Variants in QRICH1 observed in about 807,000 individuals in gnomAD.
The protein encoded by QRICH1 is glutamine rich 1, also known as transcriptional regulator QRICH1.
A neutral mutation model predicts 87.1 loss-of-function variants in QRICH1; 16 were observed. The ratio of observed to expected loss-of-function variants is 0.18; its 90% CI spans 0.12 to 0.28. The LOEUF (loss-of-function observed/expected upper bound fraction) is 0.28. Ranked by LOEUF, QRICH1 falls within the 10% of genes least tolerant of loss-of-function variation. The pLI is 1.00. For synonymous variants in QRICH1, 367 were observed against 368.4 expected (o/e 1.00, Z 0.05); for missense variants, 647 against 951.7 (o/e 0.68, Z 4.21).
chr3:49,087,499 C>T (rs906908687), intron 1 of QRICH1, among the ~76,000 whole-genome samples: 7 of 150,872 alleles, frequency 4.6e-5, no homozygotes, highest in African/African-American at 9.8e-5. Flanking sequence ...GAGCCACGAT[C>T]GCACCACTGC....
In QRICH1 at chr3:49,078,031, C is replaced by T. The variant is rs570689964; in HGVS notation, c.-21-993G>A. ...GACCCCTGTCGCTGCTACCTTTGTA[C>T]CATCCTCCCTTCAACAGCCCGACCT... is the stretch of plus-strand genomic sequence containing the variant. On this transcript the variant is annotated intron_variant, in intron 1 of 9. Coordinates refer to ENST00000395443, the MANE Select transcript of QRICH1 (RefSeq NM_198880.3). 1.9e-4 allele frequency among the ~76,000 whole-genome samples: 29 copies of T among 152,232 alleles called. 1 individual carries two copies. In the East Asian group the frequency reaches 5.6e-3, roughly 29 times the overall value.
chr3:49,055,241 T>G lies in QRICH1; in HGVS notation c.1338+1621A>C, dbSNP rs532281987. 2.3e-3 allele frequency among the ~76,000 whole-genome samples: 351 copies of G among 152,320 alleles called. 3 individuals carry two copies. The highest frequency in any genetic ancestry group is 8.0e-3 in the African/African-American group (334 of 41,578). On this transcript the variant is annotated intron_variant, in intron 3 of 9. Coordinates refer to ENST00000395443, the MANE Select transcript of QRICH1 (RefSeq NM_198880.3). ...ATCACTTACAGCCCATGTTTCCAAG[T>G]GCAGTCCCTTATCTAACTTGTTTGT...
At chr3:49,042,644 C>T (rs1018755643) in intron 6 of QRICH1, among the ~76,000 whole-genome samples, 1 of 151,882 alleles carries the variant, frequency 6.6e-6, no homozygotes, top group Non-Finnish European at 1.5e-5. Context: ...GCAATCTTGG[C>T]TCACCACAAC....
chr3:49,051,164 C>T (rs1435527218), intron 3 of QRICH1, among the ~76,000 whole-genome samples: 1 of 152,176 alleles, frequency 6.6e-6, no homozygotes, highest in African/African-American at 2.4e-5. Context: ...GCAATCTCTT[C>T]TTGGTGGCCT....
chr3:49,053,389 G>A (rs764729321), intron 3 of QRICH1, among the ~76,000 whole-genome samples: 27 of 150,914 alleles, frequency 1.8e-4, no homozygotes, highest in Admixed American at 1.3e-4. Context: ...TCGGGAGGCT[G>A]AGGCAAAATG....
intron 1 of QRICH1, among the ~76,000 whole-genome samples, chr3:49,080,058 T>C (rs979490501): frequency 4.0e-5 from 6 of 148,920 alleles, no homozygotes; most frequent in African/African-American, 1.5e-4. Flanking sequence ...TCTTTCATAA[T>C]AGAGATCCGG....
chr3:49,057,749 T>G lies in QRICH1; in HGVS notation c.451A>C (p.Ile151Leu). 6.2e-7 allele frequency: 1 copy of G among 1,614,096 alleles called. No homozygotes were observed. The highest frequency in any genetic ancestry group is 8.5e-7 in the Non-Finnish European group (1 of 1,180,006). ...GQAPQSAAPS[I>L]QTPSLQSPSP... ...GGACTCTGCAGAGACGGGGTCTGAATGGAGGGGGCTGCTGACTGTGGTGCC... is the reference window on the plus strand; with the variant it reads ...GGACTCTGCAGAGACGGGGTCTGAAGGGAGGGGGCTGCTGACTGTGGTGCC... The change falls in exon 3 of 10, where the codon ATT becomes CTT. Residue 151 changes from isoleucine to leucine, a missense_variant. Around this residue, in one of 7 missense-constraint regions of QRICH1, gnomAD observed 156 missense variants for 164.5 expected, o/e 0.95. Transcript: ENST00000395443. The surrounding 1 kb of genome is among the most constrained non-coding windows in gnomAD (Gnocchi z 5.4).
chr3:49,079,812 T>G (rs1490466505), intron 1 of QRICH1, among the ~76,000 whole-genome samples: 3 of 152,174 alleles, frequency 2.0e-5, no homozygotes, highest in Non-Finnish European at 1.5e-5. Flanking sequence ...GCAGATCACC[T>G]GAGGTCAGGA....
chr3:49,030,991 C>CTTTTTT lies in QRICH1; in HGVS notation c.2139-353_2139-348dup, dbSNP rs1162254467. Among the ~76,000 whole-genome samples the CTTTTTT allele has an allele frequency of 1.4e-4, 18 of 132,450 alleles. No individual in the cohort carries two copies. In the East Asian group the frequency reaches 1.5e-3, roughly 11 times the overall value. 86.9% of individuals were successfully genotyped at this position (132,450 alleles called of 152,430 possible). ...AAGCGTCTATCTCCAAGTCTTTGCG[C>CTTTTTT]TTTTTTTTTTTTTTTTTTTGAGATG... On this transcript the variant is annotated intron_variant, in intron 9 of 9. Coordinates refer to ENST00000395443, the MANE Select transcript of QRICH1 (RefSeq NM_198880.3).
At chr3:49,058,253 G>T (rs1044633784) in intron 2 of QRICH1, among the ~76,000 whole-genome samples, 1 of 150,190 alleles carries the variant, frequency 6.7e-6, no homozygotes, top group Non-Finnish European at 1.5e-5. Context: ...GGGATCAAGC[G>T]ATTCTCCTGC....
chr3:49,084,960 G>A (rs2042140151), intron 1 of QRICH1, among the ~76,000 whole-genome samples: 1 of 151,722 alleles, frequency 6.6e-6, no homozygotes, highest in South Asian at 2.1e-4. Context: ...GGCTATCACG[G>A]TGAAACCCCG....
chr3:49,058,685 G>A (rs1319069044), intron 2 of QRICH1, among the ~76,000 whole-genome samples: 1 of 152,046 alleles, frequency 6.6e-6, no homozygotes, highest in Non-Finnish European at 1.5e-5. Flanking sequence ...CTGGAGTGCA[G>A]TGGCATGATC....
At chr3:49,031,100 C>A (rs986955977) in intron 9 of QRICH1, among the ~76,000 whole-genome samples, 7 of 151,580 alleles carry the variant, frequency 4.6e-5, no homozygotes, top group Non-Finnish European at 8.8e-5. Context: ...GATTCTCCTG[C>A]CTCAGCCTCT....
At chr3:49,093,097 G>A (rs1040605152) in intron 1 of QRICH1, among the ~76,000 whole-genome samples, 1 of 152,182 alleles carries the variant, frequency 6.6e-6, no homozygotes, top group African/African-American at 2.4e-5. Flanking sequence ...TGAAAGATAA[G>A]CAGGTACCAC....
chr3:49,059,347 A>T (rs971470625), intron 2 of QRICH1, among the ~76,000 whole-genome samples: 1 of 151,344 alleles, frequency 6.6e-6, no homozygotes, highest in Non-Finnish European at 1.5e-5. Flanking sequence ...TTAAACTTCA[A>T]ACTCCTCAAG....
intron 2 of QRICH1, among the ~76,000 whole-genome samples, chr3:49,069,036 G>A (rs979446798): frequency 6.6e-6 from 1 of 151,140 alleles, no homozygotes; most frequent in African/African-American, 2.4e-5. Context: ...TTTGTGATAA[G>A]ACTTTTAGAA....
At chr3:49,042,351 G>C (rs1170966023) in intron 6 of QRICH1, among the ~76,000 whole-genome samples, 2 of 151,780 alleles carry the variant, frequency 1.3e-5, no homozygotes, top group African/African-American at 4.8e-5. Flanking sequence ...CACATGCCTC[G>C]GCCTCCCAAA....
intron 1 of QRICH1, among the ~76,000 whole-genome samples, chr3:49,082,023 G>T (rs2042071408): frequency 6.6e-6 from 1 of 152,084 alleles, no homozygotes; most frequent in Non-Finnish European, 1.5e-5. Context: ...GGCTAAGCTG[G>T]TCTCGAACTC....
intron 6 of QRICH1, among the ~76,000 whole-genome samples, chr3:49,034,864 T>C (rs2093265230): frequency 6.6e-6 from 1 of 152,180 alleles, no homozygotes; most frequent in African/African-American, 2.4e-5. Context: ...CAGGCAACAG[T>C]ATTCTCCTGC....
Sources: allele counts gnomAD v4.1 joint callset (sites outside exome capture counted in the v4.1 genomes callset), GRCh38; gene constraint gnomAD v4.1.1; regional missense constraint gnomAD v4.1.1; non-coding constraint Gnocchi (gnomAD v3.1); transcripts MANE v1.5; gene names NCBI Gene and HGNC (gene_info 2026-07-23, HGNC 2026-07-21).